GAB1: variants seen among roughly 807,000 people sequenced by gnomAD.
GAB1 encodes GRB2 associated binding protein 1.
A neutral mutation model predicts 66.5 loss-of-function variants in GAB1; 19 were observed. The observed-to-expected ratio is 0.29, with a 90% CI of 0.20 to 0.42. GAB1 has a LOEUF of 0.42. Among genes scored for constraint, GAB1 ranks in the 10% least tolerant of loss-of-function variants. GAB1 has a pLI of 1.00. For synonymous variants in GAB1, 294 were observed against 301.4 expected (o/e 0.98, Z 0.25); for missense variants, 732 against 858.5 (o/e 0.85, Z 1.84).
intron 1 of GAB1, chr4:143,349,208 A>G (rs1729093020): frequency 1.8e-6 from 1 of 565,834 alleles, no homozygotes; most frequent in Non-Finnish European, 3.0e-6. Flanking sequence ...GTTATATATT[A>G]TTTTTCATTT....
chr4:143,370,016 G>C (rs974293399), intron 1 of GAB1, among the ~76,000 whole-genome samples: 3 of 152,220 alleles, frequency 2.0e-5, no homozygotes, highest in Non-Finnish European at 4.4e-5. Flanking sequence ...GTCCTTGTAA[G>C]TGGTCAAACA....
chr4:143,398,141 C>T (rs1731548912), intron 1 of GAB1, among the ~76,000 whole-genome samples: 1 of 152,142 alleles, frequency 6.6e-6, no homozygotes, highest in Non-Finnish European at 1.5e-5. Flanking sequence ...CATGAAAAAG[C>T]TGGTGAGGGT....
chr4:143,457,417 C>T (rs1181977316), intron 6 of GAB1, among the ~76,000 whole-genome samples: 3 of 152,098 alleles, frequency 2.0e-5, no homozygotes, highest in East Asian at 1.9e-4. Flanking sequence ...GGCTGGTTAT[C>T]GCACTAAAAT....
intron 8 of GAB1, among the ~76,000 whole-genome samples, chr4:143,464,764 A>T (rs1284551810): frequency 3.9e-5 from 6 of 152,232 alleles, no homozygotes; most frequent in Non-Finnish European, 8.8e-5. Flanking sequence ...ATTTGCAAAA[A>T]GGTTCCATAC....
At chr4:143,425,643 C>A (rs988558614) in intron 2 of GAB1, 16 of 761,342 alleles carry the variant, frequency 2.1e-5, no homozygotes, top group Non-Finnish European at 3.6e-5. Flanking sequence ...CATGCCTGAA[C>A]TCTACTTCTA....
Position 143,440,123 on chromosome 4 carries a change from A to G in GAB1, c.1326A>G (p.Glu442=). ...CAGTGGGAAGTGTTTCAAGTGAAGAACTGGATGAAAATTACGTCCCAATGA... is the reference window on the plus strand; with the variant it reads ...CAGTGGGAAGTGTTTCAAGTGAAGAGCTGGATGAAAATTACGTCCCAATGA... ...VLTVGSVSSE[E]LDENYVPMNP... is the part of the protein sequence containing the mutation. The change falls in exon 6 of 10, where the codon GAA becomes GAG. Residue 442 remains glutamate (E), a synonymous_variant. Coordinates refer to ENST00000262994, the MANE Select transcript of GAB1 (RefSeq NM_002039.4). 6.2e-7 allele frequency: 1 copy of G among 1,614,210 alleles called. No individual in the cohort carries two copies.
Position 143,468,382 on chromosome 4 carries a change from T to G in GAB1, c.1927-649T>G, listed in dbSNP as rs74585694. On this transcript the variant is annotated intron_variant, in intron 9 of 9. Transcript: ENST00000262994. The stretch of plus-strand genomic sequence containing the variant: ...GGCGCGTGCCACCATGTCAGGCTAA[T>G]TTTTGTATTTTTAGTAGAGATGGGA... Among the ~76,000 whole-genome samples the G allele has an allele frequency of 7.4e-3, 1,116 of 151,414 alleles. 13 individuals carry two copies. Among genetic ancestry groups the G allele is most frequent in the African/African-American group, 0.025 (1,048 of 41,322 alleles).
chr4:143,441,751 A>G (rs1380830575), intron 6 of GAB1, among the ~76,000 whole-genome samples: 1 of 152,042 alleles, frequency 6.6e-6, no homozygotes, highest in Non-Finnish European at 1.5e-5. Flanking sequence ...TGTATCCTCT[A>G]CTTAAATGGA....
chr4:143,390,093 G>A (rs1731110810), intron 1 of GAB1, among the ~76,000 whole-genome samples: 1 of 152,164 alleles, frequency 6.6e-6, no homozygotes, highest in South Asian at 2.1e-4. Flanking sequence ...TAATAATCCA[G>A]TATTTCATAG....
intron 2 of GAB1, among the ~76,000 whole-genome samples, chr4:143,418,322 C>G: frequency 6.6e-6 from 1 of 152,214 alleles, no homozygotes; most frequent in South Asian, 2.1e-4. Flanking sequence ...GGTGCTACTT[C>G]TAACTTCAGT....
chr4:143,363,629 T>C (rs1261038279), intron 1 of GAB1, among the ~76,000 whole-genome samples: 2 of 152,154 alleles, frequency 1.3e-5, no homozygotes, highest in East Asian at 3.9e-4. Flanking sequence ...CTCGCCTCTG[T>C]AGTTTGAAAT....
At position 143,438,143 on chromosome 4, in the gene GAB1, T is replaced by C; in HGVS notation, c.738T>C (p.Pro246=). 1 of 1,614,058 alleles carries C rather than the reference T, an allele frequency of 6.2e-7. No homozygotes were observed. The highest frequency in any genetic ancestry group is 1.3e-5 in the African/African-American group (1 of 75,012). Residue 246 remains proline, a synonymous_variant, in exon 4 of 10, where the codon CCT becomes CCC. Transcript: ENST00000262994. ...FQQQMIYDSP[P]SRAPSASVDS... The stretch of plus-strand genomic sequence containing the variant: ...AGCAAATGATATACGACTCTCCACC[T>C]TCACGTGCCCCATCTGCTTCAGTTG...
chr4:143,398,485 C>G (rs1029644523), intron 1 of GAB1, among the ~76,000 whole-genome samples: 2 of 152,148 alleles, frequency 1.3e-5, no homozygotes, highest in African/African-American at 4.8e-5. Context: ...GTTACACATT[C>G]TGTTTGCTCT....
Position 143,438,146 on chromosome 4 carries a change from A to G in GAB1, c.741A>G (p.Ser247=). 1 of 1,613,962 alleles carries G rather than the reference A, an allele frequency of 6.2e-7. No homozygotes were observed. The highest frequency in any genetic ancestry group is 8.5e-7 in the Non-Finnish European group (1 of 1,179,984). ...QQQMIYDSPP[S]RAPSASVDSS... ...AAATGATATACGACTCTCCACCTTCACGTGCCCCATCTGCTTCAGTTGACT... is the reference window on the plus strand; with the variant it reads ...AAATGATATACGACTCTCCACCTTCGCGTGCCCCATCTGCTTCAGTTGACT... The change falls in exon 4 of 10, where the codon TCA becomes TCG. Residue 247 remains serine, a synonymous_variant. Transcript: ENST00000262994.
intron 1 of GAB1, among the ~76,000 whole-genome samples, chr4:143,378,411 A>G (rs1488473983): frequency 6.6e-6 from 1 of 152,222 alleles, no homozygotes; most frequent in Non-Finnish European, 1.5e-5. Context: ...TCCTATGCAA[A>G]TATACAATAT....
At chr4:143,424,949 G>A (rs1347081317) in intron 2 of GAB1, 12 of 565,210 alleles carry the variant, frequency 2.1e-5, no homozygotes, top group East Asian at 2.9e-5. Context: ...GCGAGACTCC[G>A]ACTTTAAAAA....
intron 2 of GAB1, among the ~76,000 whole-genome samples, chr4:143,418,369 T>C (rs1732810828): frequency 6.6e-6 from 1 of 152,222 alleles, no homozygotes; most frequent in Non-Finnish European, 1.5e-5. Flanking sequence ...AGTTTATATT[T>C]GAGTGCAGCA....
chr4:143,446,140 T>C (rs1377474428), intron 6 of GAB1, among the ~76,000 whole-genome samples: 1 of 151,996 alleles, frequency 6.6e-6, no homozygotes, highest in African/African-American at 2.4e-5. Context: ...TTTTTATGGC[T>C]GCATAGTATT....
At chr4:143,450,847 T>A (rs1734887820) in intron 6 of GAB1, among the ~76,000 whole-genome samples, 1 of 151,322 alleles carries the variant, frequency 6.6e-6, no homozygotes, top group Non-Finnish European at 1.5e-5. Context: ...GCTGAGATCA[T>A]GCTACTGCAC....
Sources: gnomAD v4.1 joint callset for allele counts (sites outside exome capture counted in the v4.1 genomes callset) on GRCh38, gnomAD v4.1.1 for gene constraint, MANE v1.5 for transcripts, NCBI Gene and HGNC (gene_info 2026-07-23, HGNC 2026-07-21) for gene names.